Variants in SPIDR observed in about 807,000 individuals in gnomAD.
The protein encoded by SPIDR is scaffold protein involved in DNA repair.
A neutral mutation model predicts 104.6 loss-of-function variants in SPIDR; 93 were observed. The observed-to-expected ratio is 0.89, with a 90% CI of 0.75 to 1.06. The LOEUF (loss-of-function observed/expected upper bound fraction) is 1.06. SPIDR is among the 50% of genes least tolerant of loss of function. The probability of loss-of-function intolerance (pLI) is 0.00; values close to 1 mark genes in which losing one functional copy is unlikely to be tolerated. For synonymous variants in SPIDR, 431 were observed against 416.9 expected, an observed-to-expected ratio of 1.03 and a Z score of -0.41; for missense variants, 1,154 against 1,111.2, an observed-to-expected ratio of 1.04 and a Z score of -0.55.
At chr8:47,708,369 T>C (rs1461199661) in intron 14 of SPIDR, among the ~76,000 whole-genome samples, 2 of 152,242 alleles carry the variant, frequency 1.3e-5, no homozygotes, top group African/African-American at 4.8e-5. Context: ...TAGACTTTTT[T>C]CTTTTAGAGC....
chr8:47,322,701 A>G (rs546047779), intron 5 of SPIDR, among the ~76,000 whole-genome samples: 9 of 152,318 alleles, frequency 5.9e-5, no homozygotes, highest in East Asian at 3.9e-4. Context: ...ATGTCCAACA[A>G]TGATAGACTG....
chr8:47,559,607 A>T (rs2056819588), intron 8 of SPIDR, among the ~76,000 whole-genome samples: 1 of 152,142 alleles, frequency 6.6e-6, no homozygotes, highest in Non-Finnish European at 1.5e-5. Context: ...TTTTAAATGC[A>T]AGTGTTGTTG....
chr8:47,317,680 A>C, intron 5 of SPIDR, among the ~76,000 whole-genome samples: 1 of 152,050 alleles, frequency 6.6e-6, no homozygotes, highest in East Asian at 1.9e-4. Flanking sequence ...CGAGTAGCTT[A>C]ACTGGGAGGC....
At chr8:47,263,644 C>T (rs576358523) in intron 1 of SPIDR, among the ~76,000 whole-genome samples, 1 of 152,160 alleles carries the variant, frequency 6.6e-6, no homozygotes, top group Admixed American at 6.5e-5. Flanking sequence ...TCCATTGAGG[C>T]CTACTTCAAA....
chr8:47,261,329 G>A (rs1009521043), intron 1 of SPIDR, among the ~76,000 whole-genome samples: 2 of 152,230 alleles, frequency 1.3e-5, no homozygotes, highest in African/African-American at 2.4e-5. Flanking sequence ...CTGGTGTAAT[G>A]TACCAAACCG....
intron 8 of SPIDR, among the ~76,000 whole-genome samples, chr8:47,464,371 A>G (rs148847900): frequency 2.0e-5 from 3 of 152,358 alleles, no homozygotes; most frequent in Admixed American, 1.3e-4. Context: ...ATGGCCAGCT[A>G]GATGCAGTTA....
chr8:47,506,087 G>A (rs994184496), intron 8 of SPIDR, among the ~76,000 whole-genome samples: 1 of 152,106 alleles, frequency 6.6e-6, no homozygotes, highest in Non-Finnish European at 1.5e-5. Context: ...TACCTCCTTT[G>A]TTTCTTGTAA....
At chr8:47,627,642 G>A (rs185888990) in intron 10 of SPIDR, among the ~76,000 whole-genome samples, 4 of 152,128 alleles carry the variant, frequency 2.6e-5, no homozygotes, top group Non-Finnish European at 4.4e-5. Context: ...AAATCCAAAC[G>A]GGAAATTTGG....
chr8:47,686,941 CTT>C (rs915013730), intron 11 of SPIDR, among the ~76,000 whole-genome samples: 1 of 141,042 alleles, frequency 7.1e-6, no homozygotes. Context: ...AGTTAGGGTT[CTT>C]TTTTTTTTTC....
At chr8:47,614,513 C>T (rs1245960189) in intron 10 of SPIDR, among the ~76,000 whole-genome samples, 5 of 152,176 alleles carry the variant, frequency 3.3e-5, no homozygotes, top group Admixed American at 6.5e-5. Context: ...TAAGCCACCA[C>T]GCCCAGCCGA....
chr8:47,577,455 T>G (rs1205027183), intron 8 of SPIDR, among the ~76,000 whole-genome samples: 3 of 152,240 alleles, frequency 2.0e-5, no homozygotes, highest in Non-Finnish European at 4.4e-5. Context: ...CAGTTGCATC[T>G]TAAACAACAT....
At chr8:47,365,213 T>G (rs1401729906) in intron 5 of SPIDR, among the ~76,000 whole-genome samples, 16 of 151,936 alleles carry the variant, frequency 1.1e-4, no homozygotes, top group Admixed American at 9.8e-4. Flanking sequence ...GCAGAGAGGG[T>G]CTCCCTGGCC....
chr8:47,467,103 A>G (rs1554717919), intron 8 of SPIDR, among the ~76,000 whole-genome samples: 1 of 152,080 alleles, frequency 6.6e-6, no homozygotes, highest in East Asian at 1.9e-4. Flanking sequence ...CAAACAAACT[A>G]GAAAATGTAG....
chr8:47,354,783 A>G (rs928733228), intron 5 of SPIDR, among the ~76,000 whole-genome samples: 12 of 151,912 alleles, frequency 7.9e-5, no homozygotes, highest in Non-Finnish European at 1.8e-4. Flanking sequence ...CTGGGACTGT[A>G]GGCACGTACC....
At chr8:47,634,430 G>A (rs2067570403) in intron 10 of SPIDR, among the ~76,000 whole-genome samples, 3 of 151,702 alleles carry the variant, frequency 2.0e-5, no homozygotes, top group Non-Finnish European at 2.9e-5. Flanking sequence ...AAGCCTGGGC[G>A]ACAGAGCAAG....
At chr8:47,464,703 C>T (rs1169647612) in intron 8 of SPIDR, among the ~76,000 whole-genome samples, 15 of 152,198 alleles carry the variant, frequency 9.9e-5, no homozygotes, top group African/African-American at 3.4e-4. Context: ...CTCCCCTCCC[C>T]TCCTGTCCCA....
intron 16 of SPIDR, among the ~76,000 whole-genome samples, chr8:47,716,005 C>G (rs913733978): frequency 3.4e-5 from 5 of 146,948 alleles, no homozygotes; most frequent in African/African-American, 1.3e-4. Context: ...CTGTCTGTCA[C>G]CCAGGCTGGA....
chr8:47,602,652 C>T (rs1394125432), intron 10 of SPIDR, among the ~76,000 whole-genome samples: 2 of 152,206 alleles, frequency 1.3e-5, no homozygotes, highest in Non-Finnish European at 2.9e-5. Flanking sequence ...GTGTCAATCT[C>T]AGTCTGTTCC....
intron 8 of SPIDR, among the ~76,000 whole-genome samples, chr8:47,490,960 G>A (rs980481672): frequency 9.9e-5 from 15 of 152,120 alleles, no homozygotes; most frequent in Admixed American, 3.3e-4. Context: ...AAACCTGCAC[G>A]TTGTGTACGT....
Sources: gnomAD v4.1 joint callset for allele counts (sites outside exome capture counted in the v4.1 genomes callset) on GRCh38, gnomAD v4.1.1 for gene constraint, MANE v1.5 for transcripts, NCBI Gene and HGNC (gene_info 2026-07-23, HGNC 2026-07-21) for gene names.